Variants in PDE3A observed in about 807,000 individuals in gnomAD.
PDE3A encodes phosphodiesterase 3A, also known as cGMP-inhibited 3',5'-cyclic phosphodiesterase 3A.
In PDE3A, 43 loss-of-function variants were observed where a neutral mutation model predicts 98.3. That is an observed-to-expected ratio of 0.44 (90% confidence interval 0.34 to 0.56). PDE3A has a LOEUF of 0.56. PDE3A is among the 20% of genes least tolerant of loss of function. The probability of loss-of-function intolerance (pLI) is 0.01; values close to 1 mark genes in which losing one functional copy is unlikely to be tolerated. For synonymous variants in PDE3A, 663 were observed against 567.9 expected, an observed-to-expected ratio of 1.17 and a Z score of -2.38; for missense variants, 1,427 against 1,440.7, an observed-to-expected ratio of 0.99 and a Z score of 0.15.
intron 12 of PDE3A, 84 bp from the exon 13 acceptor site, chr12:20,648,604 C>A: frequency 1.2e-6 from 1 of 864,034 alleles, no homozygotes; most frequent in Non-Finnish European, 2.0e-6. Context: ...GAATAAAAAG[C>A]AATTTCAAAA....
In PDE3A at chr12:20,369,724, G is replaced by A. The variant is rs138448528; in HGVS notation, c.440G>A (p.Gly147Asp). 1.2e-6 allele frequency: 2 copies of A among 1,612,234 alleles called. No homozygotes were observed. The highest frequency in any genetic ancestry group is 3.3e-5 in the Admixed American group (2 of 59,998). ...FSLLCAFFWM[G>D]LYLLRAGVRL... Reference sequence around the variant, plus strand: ...CTCCTGTGTGCCTTCTTCTGGATGGGCTTGTACCTCCTGCGCGCCGGGGTG... The same window carrying A: ...CTCCTGTGTGCCTTCTTCTGGATGGACTTGTACCTCCTGCGCGCCGGGGTG... The change falls in exon 1 of 16, where the codon GGC becomes GAC. Residue 147 changes from glycine to aspartate, a missense_variant. Gly to Asp is a moderately conservative substitution (Grantham distance 94). Transcript: ENST00000359062.
At position 20,369,657 on chromosome 12, in the gene PDE3A, C is replaced by T; in HGVS notation, c.373C>T (p.Arg125Trp). The T allele has an allele frequency of 6.2e-7, 1 of 1,602,790 alleles. No individual in the cohort carries two copies. The highest frequency in any genetic ancestry group is 8.5e-7 in the Non-Finnish European group (1 of 1,175,532). The part of the protein sequence containing the change: ...PRGGAPGGGA[R>W]LSPWLQPSAL... ...GGGAGGTGCTCCCGGGGGCGGTGCG[C>T]GGCTCAGCCCCTGGCTGCAGCCCTC... Residue 125 changes from arginine (R) to tryptophan (W), a missense_variant, in exon 1 of 16, where the codon CGG becomes TGG. By Grantham distance (101) the Arg-to-Trp change is moderately radical. Coordinates refer to ENST00000359062, the MANE Select transcript of PDE3A (RefSeq NM_000921.5).
intron 2 of PDE3A, 84 bp from the exon 3 acceptor site, chr12:20,613,359 C>A (rs1276051241): frequency 8.1e-7 from 1 of 1,237,324 alleles, no homozygotes; most frequent in Non-Finnish European, 1.2e-6. Flanking sequence ...CAATTCATTT[C>A]TTAGTGAAAA....
chr12:20,665,530 C>T (rs915058083), intron 15 of PDE3A, among the ~76,000 whole-genome samples: 6 of 152,088 alleles, frequency 3.9e-5, no homozygotes, highest in African/African-American at 1.4e-4. Context: ...AAGGCTCCCT[C>T]ACAGACCCTA....
In PDE3A at chr12:20,495,682, A is replaced by G. The variant is rs553640280; in HGVS notation, c.961-60978A>G. On this transcript the variant is annotated intron_variant, in intron 1 of 15. Coordinates refer to ENST00000359062, the MANE Select transcript of PDE3A (RefSeq NM_000921.5). ...ATAATGACATGAAAAGTTTTGTATAAAACACTTCAAGTTGCAGAACATCTC... is the reference window on the plus strand; with the variant it reads ...ATAATGACATGAAAAGTTTTGTATAGAACACTTCAAGTTGCAGAACATCTC... 2.0e-5 allele frequency among the ~76,000 whole-genome samples: 3 copies of G among 152,308 alleles called. No homozygotes were observed. In the South Asian group the frequency reaches 6.2e-4, roughly 32 times the overall value.
intron 1 of PDE3A, chr12:20,551,744 T>C: frequency 6.2e-7 from 1 of 1,609,694 alleles, no homozygotes; most frequent in South Asian, 1.1e-5. Context: ...GAGGTGGTAC[T>C]GGCGGGAGAG....
chr12:20,563,510 C>T (rs997486015), intron 2 of PDE3A, among the ~76,000 whole-genome samples: 1 of 152,132 alleles, frequency 6.6e-6, no homozygotes, highest in Non-Finnish European at 1.5e-5. Flanking sequence ...GCCAGTGCTA[C>T]TTTTTCTACA....
intron 1 of PDE3A, among the ~76,000 whole-genome samples, chr12:20,556,279 G>T (rs1043537800): frequency 6.6e-6 from 1 of 151,962 alleles, no homozygotes; most frequent in Admixed American, 6.6e-5. Flanking sequence ...TTGGCCTTCT[G>T]GTTCTTATCA....
At chr12:20,517,659 G>C (rs1269873365) in intron 1 of PDE3A, among the ~76,000 whole-genome samples, 1 of 152,106 alleles carries the variant, frequency 6.6e-6, no homozygotes, top group Non-Finnish European at 1.5e-5. Context: ...AATCACTGAA[G>C]TGGGATCCCT....
At chr12:20,668,487 T>C (rs1336742682) in intron 15 of PDE3A, among the ~76,000 whole-genome samples, 12 of 152,008 alleles carry the variant, frequency 7.9e-5, no homozygotes, top group African/African-American at 2.4e-4. Context: ...TCTCCCAGCA[T>C]GCAGCTGGAG....
chr12:20,603,813 C>T (rs997133771), intron 2 of PDE3A, among the ~76,000 whole-genome samples: 24 of 152,140 alleles, frequency 1.6e-4, no homozygotes, highest in African/African-American at 5.8e-4. Context: ...CTCATTTAAT[C>T]ATCAATTACA....
In PDE3A at chr12:20,643,895, TGGATTAGAGCTCAAAA is replaced by T. The variant is rs371343685; in HGVS notation, c.2252-2577_2252-2562del. ...CTGGGCCTTGGGGTGGGGGACAGGG[TGGATTAGAGCTCAAAA>T]GGATTAGAGCTCAAAAGCTGCAAGT... On this transcript the variant is annotated intron_variant, in intron 10 of 15. Transcript: ENST00000359062. Among the ~76,000 whole-genome samples the T allele has an allele frequency of 2.8e-3, 424 of 152,052 alleles. 1 individual carries two copies. Among genetic ancestry groups the T allele is most frequent in the East Asian group, 9.9e-3 (51 of 5,168 alleles).
intron 2 of PDE3A, among the ~76,000 whole-genome samples, chr12:20,599,162 C>G (rs747263153): frequency 3.9e-5 from 6 of 152,122 alleles, no homozygotes; most frequent in Non-Finnish European, 7.4e-5. Context: ...CCCATTCATC[C>G]TTCTTATGCA....
chr12:20,387,893 T>C (rs150852463), intron 1 of PDE3A, among the ~76,000 whole-genome samples: 7 of 152,162 alleles, frequency 4.6e-5, no homozygotes, highest in African/African-American at 9.6e-5. Context: ...CAATTGAGGA[T>C]AGGCCAAATT....
intron 15 of PDE3A, among the ~76,000 whole-genome samples, chr12:20,664,001 T>C (rs1945245177): frequency 6.6e-6 from 1 of 152,066 alleles, no homozygotes; most frequent in African/African-American, 2.4e-5. Context: ...GGGGTGGTTA[T>C]TGTCATGCTG....
At chr12:20,617,340 T>A (rs934286083) in intron 4 of PDE3A, among the ~76,000 whole-genome samples, 1 of 152,148 alleles carries the variant, frequency 6.6e-6, no homozygotes, top group Non-Finnish European at 1.5e-5. Flanking sequence ...TCTTCCATAT[T>A]ATTTGTATTC....
At chr12:20,676,806 A>T (rs2120470193) in intron 15 of PDE3A, among the ~76,000 whole-genome samples, 1 of 152,222 alleles carries the variant, frequency 6.6e-6, no homozygotes, top group East Asian at 1.9e-4. Context: ...GCCATCTTTG[A>T]CTTTTGAAAG....
chr12:20,377,521 C>T (rs1309325557), intron 1 of PDE3A, among the ~76,000 whole-genome samples: 1 of 151,692 alleles, frequency 6.6e-6, no homozygotes, highest in African/African-American at 2.4e-5. Context: ...CCATATTGGA[C>T]AGTGCAGCTC....
chr12:20,656,467 G>GT (rs1365916543), intron 15 of PDE3A, among the ~76,000 whole-genome samples: 1 of 152,070 alleles, frequency 6.6e-6, no homozygotes, highest in African/African-American at 2.4e-5. Context: ...AATTAAAGTT[G>GT]TTTTTCTTCA....
Sources: gnomAD v4.1 joint callset for allele counts (sites outside exome capture counted in the v4.1 genomes callset) on GRCh38, gnomAD v4.1.1 for gene constraint, MANE v1.5 for transcripts, NCBI Gene and HGNC (gene_info 2026-07-23, HGNC 2026-07-21) for gene names.